Variants in PHACTR1 observed in about 807,000 individuals in gnomAD.
PHACTR1 encodes phosphatase and actin regulator 1.
Under a neutral mutation model 69.2 loss-of-function variants are expected in PHACTR1, and 16 were observed. That is an observed-to-expected ratio of 0.23 (90% CI 0.16 to 0.35). The LOEUF is 0.35. Among genes scored for constraint, PHACTR1 ranks in the 10% least tolerant of loss-of-function variants. PHACTR1 has a pLI of 1.00. For synonymous variants in PHACTR1, 312 were observed against 284.5 expected (o/e 1.10, Z -0.97); for missense variants, 510 against 734.7 (o/e 0.69, Z 3.54).
intron 4 of PHACTR1, among the ~76,000 whole-genome samples, chr6:12,964,077 A>C (rs546461982): frequency 2.7e-4 from 41 of 152,300 alleles, no homozygotes; most frequent in African/African-American, 9.6e-4. Context: ...AGTAAAAAAA[A>C]ATGTGTTTTT....
At chr6:13,287,029 C>A (rs552043743) in intron 14 of PHACTR1, 34 bp from the exon 15 acceptor site, 1 of 1,604,000 alleles carries the variant, frequency 6.2e-7, no homozygotes, top group Non-Finnish European at 8.5e-7. Flanking sequence ...CTTTGGCAGC[C>A]CCTTGGTCTT....
At chr6:12,894,735 A>G (rs1457920711) in intron 4 of PHACTR1, among the ~76,000 whole-genome samples, 1 of 152,208 alleles carries the variant, frequency 6.6e-6, no homozygotes, top group Non-Finnish European at 1.5e-5. Context: ...GAGCTATAAG[A>G]CATCTGAGAA....
At chr6:12,852,858 C>T (rs994564691) in intron 4 of PHACTR1, among the ~76,000 whole-genome samples, 1 of 152,196 alleles carries the variant, frequency 6.6e-6, no homozygotes, top group East Asian at 1.9e-4. Context: ...AGGATACAAA[C>T]TCCTTATCCA....
chr6:13,071,708 A>G (rs1809557393), intron 5 of PHACTR1, among the ~76,000 whole-genome samples: 1 of 152,234 alleles, frequency 6.6e-6, no homozygotes, highest in Admixed American at 6.5e-5. Context: ...CTTCTATGGC[A>G]TAGCAGCATT....
At chr6:12,761,495 T>C (rs1483554445) in intron 4 of PHACTR1, among the ~76,000 whole-genome samples, 1 of 152,252 alleles carries the variant, frequency 6.6e-6, no homozygotes, top group Non-Finnish European at 1.5e-5. Flanking sequence ...ATTTTACAAG[T>C]GTTTTTGAGT....
At chr6:12,914,309 T>C (rs569628113) in intron 4 of PHACTR1, among the ~76,000 whole-genome samples, 4 of 152,358 alleles carry the variant, frequency 2.6e-5, no homozygotes, top group African/African-American at 9.6e-5. Flanking sequence ...AGGCAACTTC[T>C]TCTTCCAGCT....
intron 5 of PHACTR1, among the ~76,000 whole-genome samples, chr6:13,152,719 C>A (rs533722580): frequency 1.2e-3 from 178 of 152,254 alleles, no homozygotes; most frequent in Middle Eastern, 3.4e-3. Context: ...TTTTATTATT[C>A]TTCAGGTATG....
chr6:13,281,372 G>A (rs1780157152), intron 12 of PHACTR1: 3 of 327,898 alleles, frequency 9.1e-6, no homozygotes, highest in South Asian at 7.1e-5. Flanking sequence ...TGGGCAATAT[G>A]GCGAAACCCT....
At chr6:12,824,528 G>A (rs1426822462) in intron 4 of PHACTR1, among the ~76,000 whole-genome samples, 1 of 152,018 alleles carries the variant, frequency 6.6e-6, no homozygotes, top group Admixed American at 6.5e-5. Context: ...TACTATTAAA[G>A]AGAAAAGAAA....
intron 4 of PHACTR1, among the ~76,000 whole-genome samples, chr6:13,002,649 G>T (rs375148607): frequency 6.6e-6 from 1 of 152,170 alleles, no homozygotes; most frequent in East Asian, 1.9e-4. Context: ...TGCCTGCCTC[G>T]AGAGTCAACT....
intron 4 of PHACTR1, among the ~76,000 whole-genome samples, chr6:12,978,706 G>A (rs1280913446): frequency 6.6e-6 from 1 of 152,218 alleles, no homozygotes; most frequent in Non-Finnish European, 1.5e-5. Flanking sequence ...GACGGTGTTG[G>A]CTCATAGTTG....
chr6:13,205,897 G>A lies in PHACTR1; in HGVS notation c.747G>A (p.Met249Ile), dbSNP rs1765830769. ...CTCCAAAGAAAGTCATGATCTGTAT[G>A]CCCGTGGGGGGGCCAGACCTCTCAC... ...PLPPKKVMIC[M>I]PVGGPDLSLV... The change falls in exon 8 of 15, where the codon ATG becomes ATA. Residue 249 changes from methionine to isoleucine, a missense_variant. Physicochemically the swap from Met to Ile is conservative, Grantham distance 10. This residue lies in a region of PHACTR1 where 419 missense variants were observed against 530.9 expected (regional missense o/e 0.79). Transcript: ENST00000332995. 1 of 1,613,302 alleles carries A rather than the reference G, an allele frequency of 6.2e-7. No homozygotes were observed. Among genetic ancestry groups the A allele is most frequent in the African/African-American group, 1.3e-5 (1 of 74,904 alleles).
intron 4 of PHACTR1, among the ~76,000 whole-genome samples, chr6:12,964,570 C>T (rs192674165): frequency 7.9e-5 from 12 of 152,020 alleles, no homozygotes; most frequent in Admixed American, 3.9e-4. Flanking sequence ...TTTTGTTGAA[C>T]GAGAGGGTAG....
At chr6:13,253,766 C>T (rs1244976848) in intron 10 of PHACTR1, among the ~76,000 whole-genome samples, 2 of 152,226 alleles carry the variant, frequency 1.3e-5, no homozygotes, top group African/African-American at 4.8e-5. Flanking sequence ...AGTCTCCTTT[C>T]CTGCGGGAGG....
intron 4 of PHACTR1, among the ~76,000 whole-genome samples, chr6:12,760,020 ATAAT>A (rs1561857267): frequency 6.6e-6 from 1 of 152,264 alleles, no homozygotes; most frequent in Non-Finnish European, 1.5e-5. Flanking sequence ...TAAAGAGCAA[ATAAT>A]TAAATAAGTG....
At chr6:13,016,198 T>G (rs1001170551) in intron 4 of PHACTR1, among the ~76,000 whole-genome samples, 9 of 152,236 alleles carry the variant, frequency 5.9e-5, no homozygotes, top group Admixed American at 2.6e-4. Context: ...GCACCAGCTA[T>G]TTTAAAACAT....
chr6:12,783,592 G>C (rs1247665808), intron 4 of PHACTR1, among the ~76,000 whole-genome samples: 1 of 152,092 alleles, frequency 6.6e-6, no homozygotes. Flanking sequence ...TGATCAAATT[G>C]TGAAGAAAGA....
rs140720681 is a variant in PHACTR1 at position 12,767,091 on chromosome 6, C to G, written c.250+17301C>G. ...ATGAAAATGGATTGCCTTTTGCAGT[C>G]CATTCAATAATACGTCAGGTGGGTC... On this transcript the variant is annotated intron_variant, in intron 4 of 14. Coordinates refer to ENST00000332995, the MANE Select transcript of PHACTR1 (RefSeq NM_030948.6). Among the ~76,000 whole-genome samples the G allele has an allele frequency of 1.5e-3, 222 of 152,316 alleles. 1 individual carries two copies. Among genetic ancestry groups the G allele is most frequent in the Middle Eastern group, 3.4e-3 (1 of 294 alleles).
intron 3 of PHACTR1, among the ~76,000 whole-genome samples, chr6:12,736,611 A>G (rs1207720847): frequency 6.6e-6 from 1 of 152,222 alleles, no homozygotes; most frequent in African/African-American, 2.4e-5. Context: ...ATATTTCAGA[A>G]AAACTTAAAA....
Sources: allele counts gnomAD v4.1 joint callset (sites outside exome capture counted in the v4.1 genomes callset), GRCh38; gene constraint gnomAD v4.1.1; regional missense constraint gnomAD v4.1.1; transcripts MANE v1.5; gene names NCBI Gene and HGNC (gene_info 2026-07-23, HGNC 2026-07-21).